RIMS2: variants seen among roughly 807,000 people sequenced by gnomAD.
The protein encoded by RIMS2 is regulating synaptic membrane exocytosis protein 2.
A neutral mutation model predicts 174.4 loss-of-function variants in RIMS2; 59 were observed. The observed-to-expected ratio is 0.34, with a 90% CI of 0.27 to 0.42. The LOEUF (loss-of-function observed/expected upper bound fraction) is 0.42. RIMS2 is among the 10% of genes least tolerant of loss of function. The pLI is 1.00. For missense variants in RIMS2, 1,620 were observed against 1,666.3 expected (o/e 0.97, Z 0.48); for synonymous variants, 606 against 572.5 (o/e 1.06, Z -0.84).
chr8:103,621,331 G>A (rs1369721420), intron 1 of RIMS2, among the ~76,000 whole-genome samples: 4 of 152,298 alleles, frequency 2.6e-5, no homozygotes, highest in South Asian at 2.1e-4. Flanking sequence ...TGGCTGGAAC[G>A]GGACCTCACA....
chr8:103,707,616 C>G (rs1441621357), intron 2 of RIMS2, among the ~76,000 whole-genome samples: 1 of 152,160 alleles, frequency 6.6e-6, no homozygotes, highest in Non-Finnish European at 1.5e-5. Context: ...AAAGGGGTCC[C>G]TCTCAGCACT....
intron 19 of RIMS2, among the ~76,000 whole-genome samples, chr8:104,038,055 A>G (rs894839606): frequency 6.6e-5 from 10 of 152,216 alleles, no homozygotes; most frequent in African/African-American, 1.9e-4. Flanking sequence ...AGGCTATACC[A>G]TGTAGGTTTG....
intron 1 of RIMS2, among the ~76,000 whole-genome samples, chr8:103,627,498 G>A (rs916661259): frequency 1.3e-5 from 2 of 152,138 alleles, no homozygotes; most frequent in African/African-American, 2.4e-5. Context: ...GTATTGATTG[G>A]GGAAGTGATA....
intron 1 of RIMS2, among the ~76,000 whole-genome samples, chr8:103,578,242 C>G (rs2093379742): frequency 6.6e-6 from 1 of 152,148 alleles, no homozygotes; most frequent in African/African-American, 2.4e-5. Context: ...AAGCAACTAA[C>G]ATATCGGCCA....
chr8:103,906,850 A>G (rs1225104820), intron 4 of RIMS2, among the ~76,000 whole-genome samples: 1 of 152,130 alleles, frequency 6.6e-6, no homozygotes, highest in Non-Finnish European at 1.5e-5. Context: ...ACATAGATAC[A>G]CTTAGCTTTT....
intron 1 of RIMS2, among the ~76,000 whole-genome samples, chr8:103,623,013 G>A (rs1373489298): frequency 6.6e-6 from 1 of 152,172 alleles, no homozygotes; most frequent in African/African-American, 2.4e-5. Context: ...CTTGAAAAGA[G>A]TAAAGAAAGA....
chr8:103,887,963 C>G (rs561543494), intron 4 of RIMS2, among the ~76,000 whole-genome samples: 11 of 151,378 alleles, frequency 7.3e-5, no homozygotes, highest in Non-Finnish European at 1.6e-4. Flanking sequence ...TAATAACATT[C>G]TAGACATAAT....
At chr8:103,764,512 C>T (rs947496466) in intron 2 of RIMS2, among the ~76,000 whole-genome samples, 5 of 152,116 alleles carry the variant, frequency 3.3e-5, no homozygotes, top group Admixed American at 2.6e-4. Flanking sequence ...GAGATGCTGG[C>T]TCAAATTTCA....
chr8:103,606,082 C>G (rs1382039607), intron 1 of RIMS2, among the ~76,000 whole-genome samples: 56 of 146,204 alleles, frequency 3.8e-4, no homozygotes, highest in African/African-American at 1.4e-3. Flanking sequence ...AGTTCTTTTA[C>G]TTGTGATGTT....
intron 1 of RIMS2, among the ~76,000 whole-genome samples, chr8:103,538,769 A>G (rs1227209769): frequency 6.6e-6 from 1 of 152,150 alleles, no homozygotes; most frequent in Admixed American, 6.5e-5. Flanking sequence ...GGCCTCCCAA[A>G]GTGCTGGGAT....
At chr8:103,602,171 TAG>T (rs1344895686) in intron 1 of RIMS2, among the ~76,000 whole-genome samples, 3 of 152,098 alleles carry the variant, frequency 2.0e-5, no homozygotes, top group Admixed American at 6.6e-5. Context: ...GTATATTTAG[TAG>T]AGACGGGGTT....
intron 19 of RIMS2, among the ~76,000 whole-genome samples, chr8:104,206,767 T>C (rs981824752): frequency 6.6e-6 from 1 of 152,210 alleles, no homozygotes; most frequent in African/African-American, 2.4e-5. Flanking sequence ...AATGTCCCTT[T>C]GAGCAAGAGT....
intron 1 of RIMS2, among the ~76,000 whole-genome samples, chr8:103,513,795 T>C (rs1827712739): frequency 6.6e-6 from 1 of 152,204 alleles, no homozygotes; most frequent in African/African-American, 2.4e-5. Flanking sequence ...GTGACCATTA[T>C]CACCAGCTAT....
At chr8:103,932,253 G>T (rs1532432) in intron 12 of RIMS2, among the ~76,000 whole-genome samples, 4,873 of 152,180 alleles carry the variant, frequency 0.032, 109 homozygotes, top group Middle Eastern at 0.065. Context: ...ATACGCTTTT[G>T]GAATCTCATT....
At chr8:103,728,748 C>CTTTTTTTTTTTTTTTTTTTTTTTT (rs71575982) in intron 2 of RIMS2, among the ~76,000 whole-genome samples, 9 of 92,660 alleles carry the variant, frequency 9.7e-5, no homozygotes, top group East Asian at 2.7e-4. Flanking sequence ...TATGCTCCTT[C>CTTTTTTTTTTTTTTTTTTTTTTTT]TTTTTTTTTT....
intron 19 of RIMS2, among the ~76,000 whole-genome samples, chr8:104,069,463 CTTTTTTT>C (rs71297250): frequency 3.3e-5 from 3 of 91,964 alleles, no homozygotes; most frequent in African/African-American, 8.3e-5. Context: ...ATTAATTGTT[CTTTTTTT>C]TTTTTTTTTT....
At chr8:103,754,926 A>G (rs2097960285) in intron 2 of RIMS2, among the ~76,000 whole-genome samples, 1 of 152,124 alleles carries the variant, frequency 6.6e-6, no homozygotes, top group Non-Finnish European at 1.5e-5. Flanking sequence ...AGCCCGTTTT[A>G]CATTTAAGGT....
At chr8:103,920,998 C>A in intron 9 of RIMS2, 1 of 202,860 alleles carries the variant, frequency 4.9e-6, no homozygotes, top group South Asian at 4.8e-5. Context: ...GATTCTGTCT[C>A]AAAGCAACAA....
At chr8:103,944,607 A>G (rs901444539) in intron 14 of RIMS2, among the ~76,000 whole-genome samples, 2 of 152,058 alleles carry the variant, frequency 1.3e-5, no homozygotes, top group African/African-American at 4.8e-5. Flanking sequence ...AAACAATGAG[A>G]TTAGAGTACT....
Sources: gnomAD v4.1 joint callset for allele counts (sites outside exome capture counted in the v4.1 genomes callset) on GRCh38, gnomAD v4.1.1 for gene constraint, MANE v1.5 for transcripts, NCBI Gene and HGNC (gene_info 2026-07-23, HGNC 2026-07-21) for gene names.